The following MPP7 variants were observed in gnomAD, a reference collection of about 807,000 sequenced individuals.
The protein encoded by MPP7 is MAGUK p55 scaffold protein 7.
MPP7 carries 60 observed loss-of-function variants against 76.5 expected under a neutral mutation model. The ratio of observed to expected loss-of-function variants is 0.78; its 90% CI spans 0.64 to 0.97. MPP7 has a LOEUF of 0.97. Among genes scored for constraint, MPP7 ranks in the 50% least tolerant of loss-of-function variants. The pLI is 0.00. For missense variants in MPP7, 641 were observed against 694.0 expected, an observed-to-expected ratio of 0.92 and a Z score of 0.86; for synonymous variants, 237 against 244.5, an observed-to-expected ratio of 0.97 and a Z score of 0.29.
At chr10:28,149,800 A>C (rs191705984) in intron 4 of MPP7, among the ~76,000 whole-genome samples, 182 bp downstream of exon 4, 1 of 152,244 alleles carries the variant, frequency 6.6e-6, no homozygotes, top group African/African-American at 2.4e-5. Context: ...AGAACAGAAA[A>C]GTGAATGGAA....
intron 11 of MPP7, among the ~76,000 whole-genome samples, chr10:28,092,740 ATTTTT>A (rs536385197): frequency 2.8e-5 from 3 of 105,518 alleles, no homozygotes; most frequent in Admixed American, 1.2e-4. Context: ...ACCTGGCTCA[ATTTTT>A]TTTTTTTTTT....
At chr10:28,200,900 T>C (rs568300601) in intron 3 of MPP7, among the ~76,000 whole-genome samples, 2 of 152,320 alleles carry the variant, frequency 1.3e-5, no homozygotes, top group Admixed American at 6.5e-5. Flanking sequence ...ACCTCAAATA[T>C]ATTTTATTCC....
chr10:28,291,705 T>C (rs959876257), intron 1 of MPP7, among the ~76,000 whole-genome samples: 2 of 152,206 alleles, frequency 1.3e-5, no homozygotes, highest in African/African-American at 2.4e-5. Flanking sequence ...AGTTTTACAT[T>C]TTAAAAAATT....
upstream of MPP7, among the ~76,000 whole-genome samples, chr10:28,334,881 T>C (rs1361234488): frequency 1.3e-5 from 2 of 152,200 alleles, no homozygotes; most frequent in African/African-American, 4.8e-5. Flanking sequence ...TATTGTTGTG[T>C]AACAAATTAC....
At chr10:28,161,246 T>C (rs1471816488) in intron 3 of MPP7, among the ~76,000 whole-genome samples, 2 of 152,154 alleles carry the variant, frequency 1.3e-5, no homozygotes, top group Non-Finnish European at 2.9e-5. Context: ...TATAATAACA[T>C]AAAATGTAAT....
At chr10:28,236,527 T>C (rs888515858) in intron 2 of MPP7, 13 of 152,132 alleles carry the variant, frequency 8.5e-5, no homozygotes, top group South Asian at 2.1e-4. Context: ...TATGCAAGTA[T>C]TGAATGCACA....
chr10:28,139,180 T>C (rs2133715368), intron 5 of MPP7, among the ~76,000 whole-genome samples: 1 of 152,296 alleles, frequency 6.6e-6, no homozygotes, highest in African/African-American at 2.4e-5. Context: ...CTACCACCCT[T>C]TGTATTTATT....
Position 28,116,991 on chromosome 10 carries a change from G to A in MPP7, c.952+2660C>T, listed in dbSNP as rs571589628. Among the ~76,000 whole-genome samples the A allele has an allele frequency of 1.2e-4, 19 of 152,096 alleles. No homozygotes were observed. The South Asian group carries it at 3.7e-3, about 30-fold the overall frequency. ...CTAGAGCTCTAGCACAAATATAAGT[G>A]CAAAAATGCAAAGACAGTAAGATTG... On this transcript the variant is annotated intron_variant, in intron 11 of 16. Transcript: ENST00000683449.
At chr10:28,112,388 A>C (rs1364307900) in intron 11 of MPP7, among the ~76,000 whole-genome samples, 1 of 152,228 alleles carries the variant, frequency 6.6e-6, no homozygotes, top group East Asian at 1.9e-4. Context: ...ATCAAATGAT[A>C]AAAGCCATAC....
chr10:28,111,406 G>C (rs543905898), intron 11 of MPP7, among the ~76,000 whole-genome samples: 1 of 152,202 alleles, frequency 6.6e-6, no homozygotes, highest in South Asian at 2.1e-4. Context: ...TCCTTACATA[G>C]CTTATTAAAT....
intron 3 of MPP7, among the ~76,000 whole-genome samples, chr10:28,153,578 T>A (rs1416373335): frequency 2.0e-5 from 3 of 152,120 alleles, no homozygotes; most frequent in African/African-American, 4.8e-5. Context: ...AAAATAAAAA[T>A]AATTTTAATA....
intron 1 of MPP7, among the ~76,000 whole-genome samples, chr10:28,249,500 A>C (rs547327621): frequency 6.6e-6 from 1 of 152,254 alleles, no homozygotes; most frequent in South Asian, 2.1e-4. Flanking sequence ...GAGGCAGGAG[A>C]ATTGCTTGAA....
At chr10:28,212,895 G>C (rs1026040988) in intron 2 of MPP7, among the ~76,000 whole-genome samples, 7 of 152,108 alleles carry the variant, frequency 4.6e-5, no homozygotes, top group Admixed American at 2.0e-4. Flanking sequence ...TAAAAAATGG[G>C]AAGACAGAGG....
At chr10:28,176,155 T>C (rs1836852076) in intron 3 of MPP7, among the ~76,000 whole-genome samples, 1 of 152,106 alleles carries the variant, frequency 6.6e-6, no homozygotes, top group Non-Finnish European at 1.5e-5. Context: ...CAAGAGATTC[T>C]AGAATTGAGA....
upstream of MPP7, among the ~76,000 whole-genome samples, chr10:28,305,152 CA>C (rs1841244956): frequency 6.6e-6 from 1 of 152,088 alleles, no homozygotes; most frequent in Non-Finnish European, 1.5e-5. Context: ...AGCAAAACTC[CA>C]GGGCAGATAA....
At chr10:28,287,940 T>C (rs1275532046) in intron 1 of MPP7, among the ~76,000 whole-genome samples, 1 of 152,156 alleles carries the variant, frequency 6.6e-6, no homozygotes, top group Admixed American at 6.5e-5. Flanking sequence ...CTTGCAGAGT[T>C]TGATGTAGCA....
chr10:28,212,297 C>T (rs1346181483), intron 2 of MPP7, among the ~76,000 whole-genome samples: 1 of 152,020 alleles, frequency 6.6e-6, no homozygotes, highest in Non-Finnish European at 1.5e-5. Context: ...GAGAACTACA[C>T]AAGTTCAGGT....
chr10:28,296,133 T>C (rs1299118561), intron 1 of MPP7, among the ~76,000 whole-genome samples: 1 of 152,194 alleles, frequency 6.6e-6, no homozygotes, highest in African/African-American at 2.4e-5. Flanking sequence ...CTTAAAATGC[T>C]TAATGACCTG....
chr10:28,148,429 T>C (rs1564658740), intron 4 of MPP7, among the ~76,000 whole-genome samples: 1 of 152,222 alleles, frequency 6.6e-6, no homozygotes, highest in Non-Finnish European at 1.5e-5. Context: ...CATTTTTATT[T>C]AAAAACCCGT....
Sources: gnomAD v4.1 joint callset for allele counts (sites outside exome capture counted in the v4.1 genomes callset) on GRCh38, gnomAD v4.1.1 for gene constraint, MANE v1.5 for transcripts, NCBI Gene and HGNC (gene_info 2026-07-23, HGNC 2026-07-21) for gene names.